CNTNAP2: variants seen among roughly 807,000 people sequenced by gnomAD.
CNTNAP2 encodes contactin associated protein 2.
CNTNAP2 carries 98 observed loss-of-function variants against 155.2 expected under a neutral mutation model. The observed-to-expected ratio is 0.63, with a 90% CI of 0.54 to 0.75. The LOEUF is 0.75. Among genes scored for constraint, CNTNAP2 ranks in the 30% least tolerant of loss-of-function variants. The pLI, the probability that CNTNAP2 is intolerant of heterozygous loss-of-function variation, is 0.00. For missense variants in CNTNAP2, 1,727 were observed against 1,688.1 expected, an observed-to-expected ratio of 1.02 and a Z score of -0.40; for synonymous variants, 651 against 631.2, an observed-to-expected ratio of 1.03 and a Z score of -0.47.
At chr7:146,753,239 AT>A (rs1446889304) in intron 1 of CNTNAP2, among the ~76,000 whole-genome samples, 2 of 151,786 alleles carry the variant, frequency 1.3e-5, no homozygotes, top group Non-Finnish European at 2.9e-5. Context: ...ACACTGATTT[AT>A]TTTTTTCAGT....
chr7:147,019,995 AGTATG>A (rs57042757), intron 3 of CNTNAP2, among the ~76,000 whole-genome samples: 55,771 of 151,256 alleles, frequency 0.37, 10,392 homozygotes, highest in South Asian at 0.43. Flanking sequence ...GTATAGATAT[AGTATG>A]GTATGGTATG....
chr7:148,120,244 A>G (rs746304335), intron 16 of CNTNAP2, among the ~76,000 whole-genome samples: 3 of 148,572 alleles, frequency 2.0e-5, no homozygotes, highest in Non-Finnish European at 4.5e-5. Context: ...CCTCGGGGTC[A>G]AAGAATTTCT....
intron 13 of CNTNAP2, among the ~76,000 whole-genome samples, chr7:147,777,314 T>C (rs1797599278): frequency 6.6e-6 from 1 of 152,238 alleles, no homozygotes; most frequent in African/African-American, 2.4e-5. Flanking sequence ...AAAAAATAAG[T>C]TCACCTTGTC....
chr7:147,316,002 A>G (rs1795225878), intron 9 of CNTNAP2, among the ~76,000 whole-genome samples: 1 of 151,910 alleles, frequency 6.6e-6, no homozygotes, highest in African/African-American at 2.4e-5. Context: ...TTATTCATTC[A>G]CAAGTGATGG....
At chr7:147,551,820 T>C (rs1295109583) in intron 11 of CNTNAP2, among the ~76,000 whole-genome samples, 5 of 152,192 alleles carry the variant, frequency 3.3e-5, no homozygotes. Flanking sequence ...AATCTTCTTT[T>C]AACTCTGACT....
intron 1 of CNTNAP2, among the ~76,000 whole-genome samples, chr7:146,295,035 A>G (rs1027111527): frequency 2.0e-5 from 3 of 152,226 alleles, no homozygotes; most frequent in African/African-American, 7.2e-5. Flanking sequence ...GATGAAAGTA[A>G]TTGAATTGAT....
intron 8 of CNTNAP2, among the ~76,000 whole-genome samples, chr7:147,141,301 T>C (rs1431815521): frequency 6.6e-6 from 1 of 152,142 alleles, no homozygotes; most frequent in Non-Finnish European, 1.5e-5. Context: ...ATTCATACCT[T>C]GAAAAACTAA....
intron 21 of CNTNAP2, among the ~76,000 whole-genome samples, chr7:148,330,726 AATGGATGG>A (rs1169468554): frequency 2.8e-5 from 4 of 141,408 alleles, no homozygotes; most frequent in African/African-American, 8.1e-5. Context: ...GGATGGAGGG[AATGGATGG>A]ATGGATGGAT....
intron 1 of CNTNAP2, among the ~76,000 whole-genome samples, chr7:146,243,291 ATTAT>A (rs1799592894): frequency 6.6e-6 from 1 of 151,960 alleles, no homozygotes; most frequent in South Asian, 2.1e-4. Context: ...ATTTATATTA[ATTAT>A]TTATGTATTG....
At chr7:146,554,807 G>A (rs943532246) in intron 1 of CNTNAP2, among the ~76,000 whole-genome samples, 5 of 152,204 alleles carry the variant, frequency 3.3e-5, no homozygotes, top group Admixed American at 6.5e-5. Flanking sequence ...GTAAGGCAGC[G>A]TAAGAGCCAG....
In CNTNAP2 at chr7:147,788,777, C is replaced by T. The variant is rs372717787; in HGVS notation, c.2099-114788C>T. On this transcript the variant is annotated intron_variant, in intron 13 of 23. Coordinates refer to ENST00000361727, the MANE Select transcript of CNTNAP2 (RefSeq NM_014141.6). ...ATCATCTTGGTGGATGCAGCGGTGA[C>T]GCAGCCAGTTGCTGATGCAAAAAAT... Among the ~76,000 whole-genome samples the T allele has an allele frequency of 4.6e-5, 7 of 152,096 alleles. No individual in the cohort carries two copies. In the East Asian group the frequency reaches 7.7e-4, roughly 17 times the overall value.
intron 4 of CNTNAP2, among the ~76,000 whole-genome samples, chr7:147,097,077 A>T (rs998056568): frequency 2.0e-5 from 3 of 152,244 alleles, no homozygotes; most frequent in African/African-American, 4.8e-5. Flanking sequence ...ACCTCAAAAG[A>T]TACTGCACAC....
intron 13 of CNTNAP2, among the ~76,000 whole-genome samples, chr7:147,869,767 A>G (rs1195954751): frequency 6.6e-6 from 1 of 152,208 alleles, no homozygotes; most frequent in African/African-American, 2.4e-5. Flanking sequence ...GATGTAAAAC[A>G]TAGATTGCAG....
chr7:147,355,571 A>G (rs191451013), intron 9 of CNTNAP2, among the ~76,000 whole-genome samples: 1 of 152,252 alleles, frequency 6.6e-6, no homozygotes, highest in Non-Finnish European at 1.5e-5. Context: ...GAAAAGAGAG[A>G]ATCATATAGA....
At chr7:147,463,257 C>T (rs1185415615) in intron 10 of CNTNAP2, among the ~76,000 whole-genome samples, 2 of 152,052 alleles carry the variant, frequency 1.3e-5, no homozygotes, top group African/African-American at 4.8e-5. Context: ...ATATATTTGG[C>T]CATAATTAAG....
chr7:146,415,273 A>T (rs1795923008), intron 1 of CNTNAP2, among the ~76,000 whole-genome samples: 1 of 152,238 alleles, frequency 6.6e-6, no homozygotes, highest in East Asian at 1.9e-4. Flanking sequence ...ACCTTCCTGG[A>T]GGAAGAAGAG....
chr7:147,268,901 T>A (rs1330512899), intron 8 of CNTNAP2, among the ~76,000 whole-genome samples: 2 of 152,170 alleles, frequency 1.3e-5, no homozygotes, highest in Non-Finnish European at 2.9e-5. Context: ...AAATTGGAGG[T>A]AGGGGACCTC....
intron 21 of CNTNAP2, among the ~76,000 whole-genome samples, chr7:148,288,259 C>G (rs1797124100): frequency 6.6e-6 from 1 of 151,766 alleles, no homozygotes; most frequent in Admixed American, 6.6e-5. Context: ...ACCACCATGC[C>G]CAGCTACTTT....
At chr7:148,038,534 C>T (rs545258010) in intron 15 of CNTNAP2, among the ~76,000 whole-genome samples, 1 of 152,102 alleles carries the variant, frequency 6.6e-6, no homozygotes, top group East Asian at 1.9e-4. Context: ...ACCTTTTTTG[C>T]CATTTCTGTT....
Sources: allele counts gnomAD v4.1 joint callset (sites outside exome capture counted in the v4.1 genomes callset), GRCh38; gene constraint gnomAD v4.1.1; transcripts MANE v1.5; gene names NCBI Gene and HGNC (gene_info 2026-07-23, HGNC 2026-07-21).